Variants in ARMH3 observed in about 807,000 individuals in gnomAD.
ARMH3 encodes armadillo-like helical domain-containing protein 3.
In ARMH3, 60 loss-of-function variants were observed where a neutral mutation model predicts 99.1. The ratio of observed to expected loss-of-function variants is 0.61; its 90% CI spans 0.49 to 0.75. The LOEUF is 0.75. Among genes scored for constraint, ARMH3 ranks in the 30% least tolerant of loss-of-function variants. The probability of loss-of-function intolerance (pLI) is 0.00; values close to 1 mark genes in which losing one functional copy is unlikely to be tolerated. For missense variants in ARMH3, 679 were observed against 843.1 expected (o/e 0.81, Z 2.41); for synonymous variants, 285 against 292.8 (o/e 0.97, Z 0.27).
At chr10:101,856,541 T>C (rs1323784184) in intron 24 of ARMH3, among the ~76,000 whole-genome samples, 1 of 151,962 alleles carries the variant, frequency 6.6e-6, no homozygotes, top group Non-Finnish European at 1.5e-5. Context: ...AGTTCTGCTT[T>C]AACCCTGTCC....
intron 23 of ARMH3, among the ~76,000 whole-genome samples, chr10:101,909,361 T>C (rs1590001923): frequency 6.7e-6 from 1 of 148,322 alleles, no homozygotes; most frequent in East Asian, 2.0e-4. Context: ...AAGCCGAGAT[T>C]GCACCACTGC....
chr10:101,937,157 A>T (rs2135703008), intron 23 of ARMH3, among the ~76,000 whole-genome samples: 1 of 152,330 alleles, frequency 6.6e-6, no homozygotes, highest in South Asian at 2.1e-4. Flanking sequence ...TTAAGTCTTC[A>T]ATGCAGCTTT....
chr10:101,974,140 T>C (rs1328658826), intron 20 of ARMH3, among the ~76,000 whole-genome samples: 1 of 152,184 alleles, frequency 6.6e-6, no homozygotes, highest in African/African-American at 2.4e-5. Context: ...CCACTTAATG[T>C]TATTCTCCTA....
At chr10:101,862,255 A>G (rs1437365650) in intron 24 of ARMH3, among the ~76,000 whole-genome samples, 3 of 152,138 alleles carry the variant, frequency 2.0e-5, no homozygotes. Flanking sequence ...AGGTTTTCAC[A>G]TGTAACGTGA....
chr10:102,023,187 CAAA>C (rs57196032), intron 8 of ARMH3, among the ~76,000 whole-genome samples: 16 of 128,788 alleles, frequency 1.2e-4, no homozygotes, highest in Admixed American at 1.6e-4. Flanking sequence ...AAATCCGTCT[CAAA>C]AAAAAAAAAA....
intron 12 of ARMH3, 124 bp downstream of exon 12, chr10:102,009,853 G>A (rs2066591950): frequency 9.8e-7 from 1 of 1,018,748 alleles, no homozygotes; most frequent in Non-Finnish European, 1.4e-6. Context: ...TGAAACATTT[G>A]AAAATCACCA....
At chr10:101,969,634 T>C (rs1414887104) in intron 20 of ARMH3, among the ~76,000 whole-genome samples, 2 of 152,190 alleles carry the variant, frequency 1.3e-5, no homozygotes, top group East Asian at 1.9e-4. Flanking sequence ...CCAGTAGATA[T>C]CTAAAAGGTC....
At chr10:101,883,062 G>A (rs188381296) in intron 24 of ARMH3, among the ~76,000 whole-genome samples, 4 of 152,286 alleles carry the variant, frequency 2.6e-5, no homozygotes, top group African/African-American at 7.2e-5. Context: ...TAGCACGTAC[G>A]TGGATGCATT....
At chr10:101,897,370 C>T (rs1219428750) in intron 23 of ARMH3, among the ~76,000 whole-genome samples, 1 of 152,120 alleles carries the variant, frequency 6.6e-6, no homozygotes, top group African/African-American at 2.4e-5. Context: ...AGCTATCCTC[C>T]CAAAGTATGA....
intron 22 of ARMH3, 51 bp from the exon 23 acceptor site, chr10:101,939,989 A>G: frequency 6.8e-7 from 1 of 1,474,852 alleles, no homozygotes. Context: ...CATAAAACAC[A>G]AACATGAGGA....
At chr10:101,931,354 C>T (rs1054776237) in intron 23 of ARMH3, among the ~76,000 whole-genome samples, 1 of 152,130 alleles carries the variant, frequency 6.6e-6, no homozygotes, top group East Asian at 1.9e-4. Context: ...GAAACCCTGT[C>T]TCTACTAAAA....
intron 4 of ARMH3, among the ~76,000 whole-genome samples, chr10:102,031,779 G>C (rs773273462): frequency 1.3e-5 from 2 of 151,824 alleles, no homozygotes; most frequent in Non-Finnish European, 2.9e-5. Context: ...TCGCTCTGTC[G>C]CCCAGGCTGG....
intron 25 of ARMH3, 67 bp from the exon 26 acceptor site, chr10:101,847,687 T>G: frequency 6.9e-7 from 1 of 1,448,976 alleles, no homozygotes. Flanking sequence ...GAGTCAGTTC[T>G]AAACGGCAGA....
At chr10:101,863,116 T>C (rs985336250) in intron 24 of ARMH3, among the ~76,000 whole-genome samples, 1 of 152,190 alleles carries the variant, frequency 6.6e-6, no homozygotes, top group African/African-American at 2.4e-5. Flanking sequence ...GGCAGGAGAA[T>C]AGCTTGAATC....
chr10:101,874,134 T>C (rs1448521864), intron 24 of ARMH3, among the ~76,000 whole-genome samples: 1 of 152,252 alleles, frequency 6.6e-6, no homozygotes, highest in Non-Finnish European at 1.5e-5. Flanking sequence ...AGCCGTTGTC[T>C]ATGGCCCAGA....
chr10:101,974,858 C>G (rs76755416), intron 20 of ARMH3, among the ~76,000 whole-genome samples: 1 of 151,764 alleles, frequency 6.6e-6, no homozygotes, highest in African/African-American at 2.4e-5. Flanking sequence ...CAAATGAAAC[C>G]GAGTGAGAAC....
intron 5 of ARMH3, among the ~76,000 whole-genome samples, chr10:102,027,893 C>A (rs2067034962): frequency 1.3e-5 from 2 of 151,552 alleles, no homozygotes; most frequent in South Asian, 4.1e-4. Flanking sequence ...GAAGACTGTT[C>A]TTCAAAGTTC....
chr10:101,918,119 G>A (rs1409618958), intron 23 of ARMH3, among the ~76,000 whole-genome samples: 1 of 151,998 alleles, frequency 6.6e-6, no homozygotes, highest in Admixed American at 6.5e-5. Context: ...TGCAATCTTG[G>A]CTCGGCTGAC....
At chr10:101,999,562 T>C (rs1036866943) in intron 15 of ARMH3, among the ~76,000 whole-genome samples, 1 of 152,158 alleles carries the variant, frequency 6.6e-6, no homozygotes, top group Non-Finnish European at 1.5e-5. Flanking sequence ...CTAATAAAAA[T>C]GTTCATTAAA....
Sources: gnomAD v4.1 joint callset for allele counts (sites outside exome capture counted in the v4.1 genomes callset) on GRCh38, gnomAD v4.1.1 for gene constraint, MANE v1.5 for transcripts, NCBI Gene and HGNC (gene_info 2026-07-23, HGNC 2026-07-21) for gene names.